Variants in MTSS1 observed in about 807,000 individuals in gnomAD.
MTSS1 encodes protein MTSS 1.
In MTSS1, 18 loss-of-function variants were observed where a neutral mutation model predicts 79.0. The observed-to-expected ratio is 0.23, with a 90% CI of 0.16 to 0.34. The LOEUF is 0.34. Ranked by LOEUF, MTSS1 falls within the 10% of genes least tolerant of loss-of-function variation. MTSS1 has a pLI of 1.00. For missense variants in MTSS1, 815 were observed against 986.2 expected (o/e 0.83, Z 2.33); for synonymous variants, 341 against 368.6 (o/e 0.93, Z 0.86).
chr8:124,688,214 T>C (rs148530261), intron 3 of MTSS1, among the ~76,000 whole-genome samples: 8 of 152,044 alleles, frequency 5.3e-5, no homozygotes, highest in Non-Finnish European at 1.2e-4. Context: ...TGTGTGTATA[T>C]ATGCGTGTGT....
chr8:124,650,516 C>T (rs1361003672), intron 3 of MTSS1, among the ~76,000 whole-genome samples: 1 of 151,884 alleles, frequency 6.6e-6, no homozygotes, highest in South Asian at 2.1e-4. Context: ...ATAGAGAAGC[C>T]GCGTTTCCTC....
Position 124,553,521 on chromosome 8 carries a change from G to T in MTSS1, c.1739C>A (p.Ala580Asp). The stretch of plus-strand genomic sequence containing the variant: ...AGTTGCAACCCCTGGAGTGACCATA[G>T]CAGGTCCCAGGGTGGTGGGGAGGCC... The part of the protein sequence containing the change: ...TAGLPTTLGP[A>D]MVTPGVATIR... Residue 580 changes from alanine to aspartate, a missense_variant, in exon 14 of 14, where the codon GCT becomes GAT. This residue lies in a region of MTSS1 where 590 missense variants were observed against 620.8 expected (regional missense o/e 0.95). Coordinates refer to ENST00000518547, the MANE Select transcript of MTSS1 (RefSeq NM_014751.6). This position sits in a 1 kb window ranked among gnomAD's most constrained non-coding sequence, Gnocchi z 6.0. The T allele has an allele frequency of 6.2e-7, 1 of 1,614,132 alleles. No individual in the cohort carries two copies. Among genetic ancestry groups the T allele is most frequent in the Non-Finnish European group, 8.5e-7 (1 of 1,180,016 alleles).
chr8:124,647,836 C>T (rs1395258720), intron 3 of MTSS1, among the ~76,000 whole-genome samples: 1 of 152,188 alleles, frequency 6.6e-6, no homozygotes, highest in East Asian at 1.9e-4. Flanking sequence ...ATCCAGAACT[C>T]TCTAAAATCA....
chr8:124,711,802 T>G, intron 1 of MTSS1, among the ~76,000 whole-genome samples: 1 of 151,790 alleles, frequency 6.6e-6, no homozygotes, highest in South Asian at 2.1e-4. Context: ...AGCTCAGGAG[T>G]TCGAGACCAG....
intron 3 of MTSS1, among the ~76,000 whole-genome samples, chr8:124,657,851 G>A (rs533116929): frequency 6.6e-6 from 1 of 152,260 alleles, no homozygotes; most frequent in South Asian, 2.1e-4. Context: ...CATCTACTGT[G>A]GACTAAGTGT....
intron 3 of MTSS1, among the ~76,000 whole-genome samples, chr8:124,674,038 C>T (rs1180121030): frequency 1.3e-5 from 2 of 152,176 alleles, no homozygotes; most frequent in African/African-American, 4.8e-5. Flanking sequence ...ACATCTCACC[C>T]GGTCACCTCG....
intron 1 of MTSS1, among the ~76,000 whole-genome samples, chr8:124,706,755 A>G (rs1019961240): frequency 6.6e-6 from 1 of 152,228 alleles, no homozygotes; most frequent in African/African-American, 2.4e-5. Context: ...GCAGAACTGT[A>G]TATTAATTTA....
chr8:124,700,832 T>G (rs1333946018), intron 2 of MTSS1, among the ~76,000 whole-genome samples: 3 of 152,186 alleles, frequency 2.0e-5, no homozygotes, highest in Non-Finnish European at 4.4e-5. Flanking sequence ...GTGTTAATTT[T>G]CAAGTATTTC....
At chr8:124,591,571 G>A (rs906247347) in intron 3 of MTSS1, among the ~76,000 whole-genome samples, 19 of 152,148 alleles carry the variant, frequency 1.2e-4, no homozygotes, top group Non-Finnish European at 2.4e-4. Context: ...ACCATGACCT[G>A]TAGTTTGAAA....
rs1564025109 is a variant in MTSS1, at chr8:124,704,048, T to C, written c.134+82A>G. 3.2e-6 allele frequency: 4 copies of C among 1,264,654 alleles called. No individual in the cohort carries two copies. In the East Asian group the frequency reaches 7.0e-5, roughly 22 times the overall value. The allele number at this position is 1,264,654 out of a possible 1,614,324, so 78.3% of individuals were successfully genotyped here. On this transcript the variant is annotated intron_variant, in intron 2 of 13. Transcript: ENST00000518547. ...GCAGCACTTCCTGAATCAACCCTAATCAATCTGCATTTTGGTCTGTCCCAC... is the reference window on the plus strand; with the variant it reads ...GCAGCACTTCCTGAATCAACCCTAACCAATCTGCATTTTGGTCTGTCCCAC...
In MTSS1 at chr8:124,597,034, T is replaced by A. The variant is rs1293603329; in HGVS notation, c.209-5799A>T. On this transcript the variant is annotated intron_variant, in intron 3 of 13. Transcript: ENST00000518547. The surrounding 1 kb of genome is among the most constrained non-coding windows in gnomAD (Gnocchi z 4.6). ...GGCGCCAGGGATTAGGACATCAACC[T>A]ATCTTTCTGGGGGTGCGCCGCAGTC... is the stretch of plus-strand genomic sequence containing the variant. Among the ~76,000 whole-genome samples the A allele has an allele frequency of 1.3e-5, 2 of 152,126 alleles. No homozygotes were observed. Among genetic ancestry groups the A allele is most frequent in the African/African-American group, 4.8e-5 (2 of 41,430 alleles).
At chr8:124,708,713 C>A (rs1272618983) in intron 1 of MTSS1, among the ~76,000 whole-genome samples, 1 of 152,114 alleles carries the variant, frequency 6.6e-6, no homozygotes, top group Non-Finnish European at 1.5e-5. Context: ...GAGGGGTCCC[C>A]TTTCTAGTCA....
rs1833960656 is a variant in MTSS1, at chr8:124,727,812, G to A, written c.72+72C>T. The A allele has an allele frequency of 7.4e-7, 1 of 1,358,324 alleles. No homozygotes were observed. 84.1% of individuals were successfully genotyped at this position (1,358,324 alleles called of 1,614,324 possible). On this transcript the variant is annotated intron_variant, in intron 1 of 13. Transcript: ENST00000518547. The surrounding 1 kb of genome is among the most constrained non-coding windows in gnomAD (Gnocchi z 4.7). The stretch of plus-strand genomic sequence containing the variant: ...GGGAAGGGCCGGGTGCCCGGCCCGG[G>A]GTGGAGGCGAAGCGCGGCGGCGAGG...
chr8:124,585,206 C>T (rs1830645728), intron 5 of MTSS1, 45 bp from the exon 6 acceptor site: 2 of 1,440,090 alleles, frequency 1.4e-6, no homozygotes, highest in Non-Finnish European at 1.9e-6. Context: ...CTTTGCTTAA[C>T]AGAAAATATG....
chr8:124,610,412 G>A (rs966442143), intron 3 of MTSS1, among the ~76,000 whole-genome samples: 9 of 152,178 alleles, frequency 5.9e-5, no homozygotes, highest in Admixed American at 5.9e-4. Context: ...AGCCTTCGCG[G>A]GAACAGATCT....
chr8:124,643,698 C>CAAAAAAAAAAAA (rs11323836), intron 3 of MTSS1, among the ~76,000 whole-genome samples: 1 of 66,920 alleles, frequency 1.5e-5, no homozygotes, highest in African/African-American at 5.9e-5. Context: ...AATTCCGTCT[C>CAAAAAAAAAAAA]AAAAAAAAAA....
chr8:124,607,053 T>C (rs1834999507), intron 3 of MTSS1, among the ~76,000 whole-genome samples: 1 of 152,162 alleles, frequency 6.6e-6, no homozygotes, highest in Non-Finnish European at 1.5e-5. Context: ...TTCTAGAAAC[T>C]GACGTTTTAG....
chr8:124,688,480 TAAG>T (rs1827397537), intron 3 of MTSS1, among the ~76,000 whole-genome samples: 1 of 152,166 alleles, frequency 6.6e-6, no homozygotes, highest in Non-Finnish European at 1.5e-5. Flanking sequence ...TTCTTACAGT[TAAG>T]AAGCTTATGT....
chr8:124,614,066 A>G (rs1300958770), intron 3 of MTSS1, among the ~76,000 whole-genome samples: 1 of 144,974 alleles, frequency 6.9e-6, no homozygotes, highest in African/African-American at 2.5e-5. Context: ...TGGGTGGCTG[A>G]GGTGGGAGGA....
Sources: gnomAD v4.1 joint callset for allele counts (sites outside exome capture counted in the v4.1 genomes callset) on GRCh38, gnomAD v4.1.1 for gene constraint, gnomAD v4.1.1 regional missense constraint, Gnocchi (gnomAD v3.1) non-coding constraint, MANE v1.5 for transcripts, NCBI Gene and HGNC (gene_info 2026-07-23, HGNC 2026-07-21) for gene names.